The following LCOR variants were observed in gnomAD, a reference collection of about 807,000 sequenced individuals.
The protein encoded by LCOR is ligand dependent nuclear receptor corepressor, also known as ligand-dependent corepressor.
LCOR carries 14 observed loss-of-function variants against 64.4 expected under a neutral mutation model. The ratio of observed to expected loss-of-function variants is 0.22; its 90% CI spans 0.14 to 0.34. The LOEUF (loss-of-function observed/expected upper bound fraction) is 0.34, where lower values mean the gene tolerates loss of function less well. Ranked by LOEUF, LCOR falls within the 10% of genes least tolerant of loss-of-function variation. LCOR has a pLI of 1.00. For missense variants in LCOR, 1,686 were observed against 1,765.3 expected (o/e 0.96, Z 0.80); for synonymous variants, 643 against 642.5 (o/e 1.00, Z -0.01).
At chr10:96,911,297 C>T (rs1036973382) in intron 4 of LCOR, among the ~76,000 whole-genome samples, 7 of 151,920 alleles carry the variant, frequency 4.6e-5, no homozygotes, top group African/African-American at 1.7e-4. Flanking sequence ...AGGGTTTTAC[C>T]GTGTTGGCCA....
At chr10:96,958,493 A>G (rs1390308031) in intron 7 of LCOR, 2 of 844,536 alleles carry the variant, frequency 2.4e-6, no homozygotes, top group African/African-American at 1.7e-5. Flanking sequence ...GTGTCATTTC[A>G]GATTGTAGGC....
chr10:96,876,357 T>C (rs545184851), intron 2 of LCOR, among the ~76,000 whole-genome samples: 1 of 152,306 alleles, frequency 6.6e-6, no homozygotes, highest in South Asian at 2.1e-4. Context: ...AAGGCCCTAC[T>C]TCCAAATACC....
rs149783917 is a variant in LCOR, at chr10:96,982,768, A to G, written c.2308A>G (p.Ile770Val). ...ETEESEAAGG[I>V]GKLEGEDGDV... is the part of the protein sequence containing the mutation. ...TGAGGAAAGTGAGGCAGCAGGTGGT[A>G]TAGGAAAATTAGAGGGAGAGGACGG... Residue 770 changes from isoleucine to valine, a missense_variant, in exon 8 of 8, where the codon ATA (isoleucine) becomes GTA (valine). By Grantham distance (29) the Ile-to-Val change is conservative (BLOSUM62 3). Transcript: ENST00000421806. 251 of 1,614,084 alleles carry G rather than the reference A, an allele frequency of 1.6e-4. 1 individual carries two copies. Among genetic ancestry groups the G allele is most frequent in the Middle Eastern group, 3.3e-4 (2 of 6,084 alleles).
Position 96,886,285 on chromosome 10 carries a change from GTC to G in LCOR, c.-329-20976_-329-20975del, listed in dbSNP as rs1477299873. Among the ~76,000 whole-genome samples the G allele has an allele frequency of 2.6e-5, 4 of 152,182 alleles. No individual in the cohort carries two copies. The East Asian group carries it at 7.7e-4, about 29-fold the overall frequency. ...CACATAAGAGATATACAGGTTGAGT[GTC>G]TCTTATCCCAAATGCTTGGAACCAG... is the stretch of plus-strand genomic sequence containing the variant. On this transcript the variant is annotated intron_variant, in intron 2 of 7. Transcript: ENST00000421806.
At chr10:96,878,007 T>C (rs181630445) in intron 2 of LCOR, among the ~76,000 whole-genome samples, 2 of 152,302 alleles carry the variant, frequency 1.3e-5, no homozygotes, top group Admixed American at 6.5e-5. Flanking sequence ...AAGCTTTTCA[T>C]TGAATAATTT....
At chr10:96,867,865 G>A (rs990739978) in intron 2 of LCOR, among the ~76,000 whole-genome samples, 11 of 151,848 alleles carry the variant, frequency 7.2e-5, no homozygotes, top group Admixed American at 2.6e-4. Flanking sequence ...TTTTAACAAC[G>A]ATGATGTTGA....
intron 2 of LCOR, among the ~76,000 whole-genome samples, chr10:96,896,077 G>A (rs1251336845): frequency 6.6e-6 from 1 of 152,044 alleles, no homozygotes; most frequent in African/African-American, 2.4e-5. Context: ...AAGAGACTCT[G>A]TCTCTAAAAA....
In LCOR at chr10:96,976,655, A is replaced by G. The variant is rs564031667; in HGVS notation, c.333-4138A>G. On this transcript the variant is annotated intron_variant, in intron 7 of 7. Transcript: ENST00000421806. ...GACAGCAGCAGATTAGAGTCTCACA[A>G]TCATGAAGGAAGTTAGATAATACCT... is the stretch of plus-strand genomic sequence containing the variant. Among the ~76,000 whole-genome samples, 8 of 152,358 alleles carry G rather than the reference A, an allele frequency of 5.3e-5. No homozygotes were observed. In the East Asian group the frequency reaches 1.5e-3, roughly 29 times the overall value.
At chr10:96,866,927 A>G (rs1344543062) in intron 2 of LCOR, among the ~76,000 whole-genome samples, 1 of 151,988 alleles carries the variant, frequency 6.6e-6, no homozygotes, top group East Asian at 1.9e-4. Context: ...CCCACCAACA[A>G]TGTATGAGAG....
chr10:96,845,714 G>A lies in LCOR; in HGVS notation c.-330+12235G>A, dbSNP rs1389084789. 2.7e-5 allele frequency among the ~76,000 whole-genome samples: 4 copies of A among 150,932 alleles called. 1 individual carries two copies. Among genetic ancestry groups the A allele is most frequent in the Non-Finnish European group, 3.0e-5 (2 of 67,754 alleles). On this transcript the variant is annotated intron_variant, in intron 2 of 7. Transcript: ENST00000421806. ...GATCTCCTGACCTCGTGATCTACCCGCCTCGGCCTCCCAAAGTGCTGGGAT... is the reference window on the plus strand; with the variant it reads ...GATCTCCTGACCTCGTGATCTACCCACCTCGGCCTCCCAAAGTGCTGGGAT...
At chr10:96,912,094 GCT>G (rs2134458612) in intron 4 of LCOR, among the ~76,000 whole-genome samples, 1 of 151,986 alleles carries the variant, frequency 6.6e-6, no homozygotes, top group Non-Finnish European at 1.5e-5. Context: ...ACCACGCCCA[GCT>G]AATTTTTTTG....
intron 2 of LCOR, among the ~76,000 whole-genome samples, chr10:96,868,625 T>G (rs990156920): frequency 1.3e-5 from 2 of 152,142 alleles, no homozygotes; most frequent in African/African-American, 4.8e-5. Context: ...AGGACTGAAA[T>G]TACAGTGTAG....
At chr10:96,879,133 C>T (rs1846218797) in intron 2 of LCOR, among the ~76,000 whole-genome samples, 1 of 152,098 alleles carries the variant, frequency 6.6e-6, no homozygotes. Flanking sequence ...GTATATAACA[C>T]CCACTATATG....
intron 2 of LCOR, among the ~76,000 whole-genome samples, chr10:96,860,286 G>C (rs1845866452): frequency 6.6e-6 from 1 of 152,126 alleles, no homozygotes. Context: ...TTAAAATTAA[G>C]ATGAAGTCAT....
chr10:96,980,495 G>T (rs967795883), intron 7 of LCOR, among the ~76,000 whole-genome samples: 3 of 152,138 alleles, frequency 2.0e-5, no homozygotes, highest in Non-Finnish European at 4.4e-5. Flanking sequence ...CACATTTATT[G>T]AATCAAAAGT....
chr10:96,980,795 A>G lies in LCOR; in HGVS notation c.335A>G (p.Glu112Gly), dbSNP rs1345984521. 3 of 697,020 alleles carry G rather than the reference A, an allele frequency of 4.3e-6. No individual in the cohort carries two copies. In the East Asian group the frequency reaches 8.1e-5, roughly 19 times the overall value. The allele number at this position is 697,020 out of a possible 1,614,324, so 43.2% of individuals were successfully genotyped here. Reference protein sequence around the residue: ...PGCSSTQGNGENSTEAKAVDS... With the variant: ...PGCSSTQGNGGNSTEAKAVDS... ...CTTCTTTCTCTTTCTCTGTCTAGTGAGAACTCAACAGAGGCAAAAGCAGTA... is the reference window on the plus strand; with the variant it reads ...CTTCTTTCTCTTTCTCTGTCTAGTGGGAACTCAACAGAGGCAAAAGCAGTA... The change falls in exon 8 of 8, where the codon GAG (glutamate) becomes GGG (glycine). Residue 112 changes from glutamate (E) to glycine (G), a missense_variant and splice_region_variant. This residue lies in a region of LCOR where 313 missense variants were observed against 247.2 expected (regional missense o/e 1.27). Transcript: ENST00000421806.
intron 2 of LCOR, among the ~76,000 whole-genome samples, chr10:96,899,307 C>T (rs1846594016): frequency 6.6e-6 from 1 of 152,066 alleles, no homozygotes; most frequent in Admixed American, 6.6e-5. Flanking sequence ...GATTCCTTGA[C>T]TAGAATTATA....
chr10:96,958,906 TAAA>T (rs74784568), intron 7 of LCOR: 1,658 of 103,912 alleles, frequency 0.016, 26 homozygotes, highest in East Asian at 0.048. Context: ...AAGAAAAACT[TAAA>T]AAAAAAAAAA....
chr10:96,992,647 C>T lies in LCOR; in HGVS notation c.*7513C>T, dbSNP rs943911357. The T allele has an allele frequency of 6.6e-6, 1 of 152,110 alleles. No individual in the cohort carries two copies. The highest frequency in any genetic ancestry group is 1.5e-5 in the Non-Finnish European group (1 of 68,054). The allele number at this position is 152,110 out of a possible 1,614,324, so 9.4% of individuals were successfully genotyped here. On this transcript the variant is annotated 3_prime_UTR_variant, in exon 8 of 8. Transcript: ENST00000421806. ...GCTGTATGGCATCGGGTGTGCCCCA[C>T]GCAGCCTACTTCTTGCATGCACAGT...
Sources: allele counts gnomAD v4.1 joint callset (sites outside exome capture counted in the v4.1 genomes callset), GRCh38; gene constraint gnomAD v4.1.1; regional missense constraint gnomAD v4.1.1; transcripts MANE v1.5; gene names NCBI Gene and HGNC (gene_info 2026-07-23, HGNC 2026-07-21).